Variants in CYP21A2 observed in about 807,000 individuals in gnomAD.
CYP21A2 encodes the protein cytochrome P450 family 21 subfamily A member 2, also known as steroid 21-hydroxylase.
Under a neutral mutation model 47.4 loss-of-function variants are expected in CYP21A2, and 24 were observed. The observed-to-expected ratio is 0.51, with a 90% confidence interval of 0.37 to 0.71. The LOEUF (loss-of-function observed/expected upper bound fraction) is 0.71. Among genes scored for constraint, CYP21A2 ranks in the 30% least tolerant of loss-of-function variants. The pLI is 0.00. For missense variants in CYP21A2, 358 were observed against 643.2 expected, an observed-to-expected ratio of 0.56 and a Z score of 4.80; for synonymous variants, 130 against 273.9, an observed-to-expected ratio of 0.47 and a Z score of 5.19.
rs1027588145 is a variant in CYP21A2, at chr6:32,040,582, C to T, written c.1116C>T (p.Ser372=). ...LALPHRTTRP[S]SISGYDIPEG... ...TGCCCCACCGCACCACACGGCCCAG[C>T]AGGTGACTCCCGAGGGTTGGGGATG... Residue 372 remains serine, a splice_region_variant and synonymous_variant, in exon 8 of 10, where the codon AGC becomes AGT. Coordinates refer to ENST00000644719, the MANE Select transcript of CYP21A2 (RefSeq NM_000500.9). 6.2e-7 allele frequency: 1 copy of T among 1,613,112 alleles called. No individual in the cohort carries two copies. The highest frequency in any genetic ancestry group is 8.5e-7 in the Non-Finnish European group (1 of 1,179,754).
At chr6:32,039,305 C>G (rs756881244) in intron 3 of CYP21A2, 51 bp from the exon 4 acceptor site, 1 of 1,578,034 alleles carries the variant, frequency 6.3e-7, no homozygotes, top group South Asian at 1.1e-5. Context: ...CAGTAGCCCC[C>G]GCCCTGCCCG....
At chr6:32,039,303 C>T (rs1776079632) in intron 3 of CYP21A2, 53 bp from the exon 4 acceptor site, 2 of 1,576,474 alleles carry the variant, frequency 1.3e-6, no homozygotes, top group African/African-American at 1.4e-5. Context: ...CACAGTAGCC[C>T]CCGCCCTGCC....
rs376930719 is a variant in CYP21A2, at chr6:32,039,620, A to G, written c.624A>G (p.Gln208=). Reference sequence around the variant, plus strand: ...AAACCTGGAGCCACTGGTCCATCCAAATTGTGGACGTGATTCCCTTTCTCA... The same window carrying G: ...AAACCTGGAGCCACTGGTCCATCCAGATTGTGGACGTGATTCCCTTTCTCA... The part of the protein sequence containing the change: ...VLKTWSHWSI[Q]IVDVIPFLRF... The change falls in exon 5 of 10, where the codon CAA becomes CAG. Residue 208 remains glutamine, a synonymous_variant. Transcript: ENST00000644719. The G allele has an allele frequency of 1.3e-4, 204 of 1,563,518 alleles. No homozygotes were observed. The highest frequency in any genetic ancestry group is 1.3e-4 in the Non-Finnish European group (152 of 1,152,592).
Position 32,038,820 on chromosome 6 carries a change from C to T in CYP21A2, c.292+9C>T, listed in dbSNP as rs6462. 975,790 of 1,378,688 alleles carry T rather than the reference C, an allele frequency of 0.71. 343,822 individuals are homozygous for T. The highest frequency in any genetic ancestry group is 0.81 in the Admixed American group (44,230 of 54,354). The allele number at this position is 1,378,688 out of a possible 1,614,324, so 85.4% of individuals were successfully genotyped here. ...ACCTGAGCCACTTACCTGTAAGGGC[C>T]GGGGGCATTTTTTCTTTCTTAAAAA... On this transcript the variant is annotated intron_variant, in intron 2 of 9. Coordinates refer to ENST00000644719, the MANE Select transcript of CYP21A2 (RefSeq NM_000500.9).
chr6:32,039,133 G>T lies in CYP21A2; in HGVS notation c.332G>T (p.Gly111Val). ...VSRNYPDLSL[G>V]DYSLLWKAHK... is the part of the protein sequence containing the mutation. The stretch of plus-strand genomic sequence containing the variant: ...AGGAACTACCCGGACCTGTCCTTGG[G>T]AGACTACTCCCTGCTCTGGAAAGCC... Residue 111 changes from glycine to valine, a missense_variant, in exon 3 of 10, where the codon GGA becomes GTA. By Grantham distance (109) the Gly-to-Val change is moderately radical. Transcript: ENST00000644719. 2 of 1,611,444 alleles carry T rather than the reference G, an allele frequency of 1.2e-6. No individual in the cohort carries two copies. Among genetic ancestry groups the T allele is most frequent in the Non-Finnish European group, 1.7e-6 (2 of 1,178,850 alleles).
In CYP21A2 at chr6:32,041,319, T is replaced by C. The variant is rs1245537101; in HGVS notation, c.*185T>C. On this transcript the variant is annotated 3_prime_UTR_variant, in exon 10 of 10. Transcript: ENST00000644719. ...GCGACCCCTCAGTGCTCGGCAGTCA[T>C]ACTGGGGTGCGAGAGAGGTGGGCAG... The C allele has an allele frequency of 2.5e-6, 2 of 792,126 alleles. No homozygotes were observed. Among genetic ancestry groups the C allele is most frequent in the Non-Finnish European group, 4.4e-6 (2 of 457,592 alleles). 49.1% of individuals were successfully genotyped at this position (792,126 alleles called of 1,614,324 possible).
chr6:32,038,606 C>T lies in CYP21A2; in HGVS notation c.184C>T (p.Leu62Phe). The T allele has an allele frequency of 1.3e-6, 2 of 1,588,474 alleles. No homozygotes were observed. Among genetic ancestry groups the T allele is most frequent in the South Asian group, 2.3e-5 (2 of 88,378 alleles). Reference protein sequence around the residue: ...LTQKFGPIYRLHLGLQDVVVL... With the variant: ...LTQKFGPIYRFHLGLQDVVVL... ...TCAGAAATTCGGGCCCATCTACAGG[C>T]TCCACCTTGGGCTGCAAGGTGAGAG... The change falls in exon 1 of 10, where the codon CTC becomes TTC. Residue 62 changes from leucine (L) to phenylalanine (F), a missense_variant. Coordinates refer to ENST00000644719, the MANE Select transcript of CYP21A2 (RefSeq NM_000500.9).
In CYP21A2 at chr6:32,041,167, G is replaced by A. The variant is rs575440780; in HGVS notation, c.*33G>A. The A allele has an allele frequency of 4.2e-5, 65 of 1,548,122 alleles. No individual in the cohort carries two copies. In the East Asian group the frequency reaches 5.2e-4, roughly 12 times the overall value. On this transcript the variant is annotated 3_prime_UTR_variant, in exon 10 of 10. Coordinates refer to ENST00000644719, the MANE Select transcript of CYP21A2 (RefSeq NM_000500.9). ...GGACCGATGCCAGCCGGGTACCTCAGTTTCTCCTTTATTGCTCCCGTACGA... is the reference window on the plus strand; with the variant it reads ...GGACCGATGCCAGCCGGGTACCTCAATTTCTCCTTTATTGCTCCCGTACGA...
chr6:32,041,515 T>G lies in CYP21A2; in HGVS notation c.*381T>G. On this transcript the variant is annotated 3_prime_UTR_variant, in exon 10 of 10. Coordinates refer to ENST00000644719, the MANE Select transcript of CYP21A2 (RefSeq NM_000500.9). ...TCCCATCTGCTCTTCCCGTTCCCCT[T>G]AAGGAGGTAGCTCCCAGCACTCAAC... 8.3e-7 allele frequency: 1 copy of G among 1,208,792 alleles called. No individual in the cohort carries two copies. The highest frequency in any genetic ancestry group is 1.3e-5 in the South Asian group (1 of 76,330). The allele number at this position is 1,208,792 out of a possible 1,614,324, so 74.9% of individuals were successfully genotyped here. A position where few individuals can be genotyped will look rare whatever the true frequency, so the allele number is the denominator to read the frequency against.
rs1027284604 is a variant in CYP21A2, at chr6:32,040,196, C to T, written c.930C>T (p.His310=). Residue 310 remains histidine (H), a synonymous_variant, in exon 7 of 10, where the codon CAC becomes CAT. Transcript: ENST00000644719. ...TLSWAVVFLL[H]HPEIQQRLQE... ...CCTGGGCCGTGGTTTTTTTGCTTCA[C>T]CACCCTGAGGTGCGTCCTGGGGACA... 1.9e-6 allele frequency: 3 copies of T among 1,612,860 alleles called. No homozygotes were observed. Among genetic ancestry groups the T allele is most frequent in the Non-Finnish European group, 2.5e-6 (3 of 1,179,870 alleles).
In CYP21A2 at chr6:32,041,031, T is replaced by C. The variant is rs1190793485; in HGVS notation, c.1385T>C (p.Leu462Pro). The C allele has an allele frequency of 1.5e-5, 18 of 1,212,312 alleles. No individual in the cohort carries two copies. In the African/African-American group the frequency reaches 2.3e-4, roughly 15 times the overall value. The allele number at this position is 1,212,312 out of a possible 1,614,324, so 75.1% of individuals were successfully genotyped here. A position where few individuals can be genotyped will look rare whatever the true frequency, so the allele number is the denominator to read the frequency against. Residue 462 changes from leucine to proline, a missense_variant, in exon 10 of 10, where the codon CTG (leucine) becomes CCG (proline). Leu to Pro is a moderately conservative substitution (Grantham distance 98, BLOSUM62 -3). Coordinates refer to ENST00000644719, the MANE Select transcript of CYP21A2 (RefSeq NM_000500.9). ...LLPSGDALPS[L>P]QPLPHCSVIL... ...CCCTCCGGGGACGCCCTGCCCTCCC[T>C]GCAGCCCCTGCCCCACTGCAGTGTC...
In CYP21A2 at chr6:32,038,706, T is replaced by C. The variant is rs1582300574; in HGVS notation, c.203-16T>C. ...AGGGTCCTCTCTCCGCTGACGCTGCTTTGGCTGTCTCCCAGATGTGGTGGT... is the reference window on the plus strand; with the variant it reads ...AGGGTCCTCTCTCCGCTGACGCTGCCTTGGCTGTCTCCCAGATGTGGTGGT... On this transcript the variant is annotated splice_polypyrimidine_tract_variant and intron_variant, in intron 1 of 9. Coordinates refer to ENST00000644719, the MANE Select transcript of CYP21A2 (RefSeq NM_000500.9). 1 of 1,473,820 alleles carries C rather than the reference T, an allele frequency of 6.8e-7. No homozygotes were observed. The allele number at this position is 1,473,820 out of a possible 1,614,324, so 91.3% of individuals were successfully genotyped here.
intron 2 of CYP21A2, 119 bp from the exon 3 acceptor site, chr6:32,038,975 G>A: frequency 6.5e-7 from 1 of 1,531,582 alleles, no homozygotes; most frequent in Non-Finnish European, 8.8e-7. Context: ...CAGGTCCCTG[G>A]AAGCTCTTGG....
chr6:32,039,622 T>G lies in CYP21A2; in HGVS notation c.626T>G (p.Ile209Ser). The change falls in exon 5 of 10, where the codon ATT becomes AGT. Residue 209 changes from isoleucine to serine, a missense_variant. By Grantham distance (142) the Ile-to-Ser change is moderately radical (BLOSUM62 -2). Coordinates refer to ENST00000644719, the MANE Select transcript of CYP21A2 (RefSeq NM_000500.9). ...ACCTGGAGCCACTGGTCCATCCAAA[T>G]TGTGGACGTGATTCCCTTTCTCAGG... ...LKTWSHWSIQ[I>S]VDVIPFLRFF... 6.4e-7 allele frequency: 1 copy of G among 1,563,296 alleles called. No individual in the cohort carries two copies.
rs536088585 is a variant in CYP21A2 at position 32,040,200 on chromosome 6, C to T, written c.934C>T (p.Pro312Ser). 3 of 1,612,884 alleles carry T rather than the reference C, an allele frequency of 1.9e-6. No homozygotes were observed. The highest frequency in any genetic ancestry group is 2.2e-5 in the South Asian group (2 of 91,078). ...GGCCGTGGTTTTTTTGCTTCACCACCCTGAGGTGCGTCCTGGGGACAAGCA... is the reference window on the plus strand; with the variant it reads ...GGCCGTGGTTTTTTTGCTTCACCACTCTGAGGTGCGTCCTGGGGACAAGCA... ...SWAVVFLLHH[P>S]EIQQRLQEEL... The change falls in exon 7 of 10, where the codon CCT (proline) becomes TCT (serine). Residue 312 changes from proline (P) to serine (S), a missense_variant. Pro to Ser is a moderately conservative substitution (Grantham distance 74). Coordinates refer to ENST00000644719, the MANE Select transcript of CYP21A2 (RefSeq NM_000500.9).
chr6:32,041,206 C>G lies in CYP21A2; in HGVS notation c.*72C>G, dbSNP rs1239331635. 8 of 934,494 alleles carry G rather than the reference C, an allele frequency of 8.6e-6. No individual in the cohort carries two copies. Among genetic ancestry groups the G allele is most frequent in the African/African-American group, 1.6e-5 (1 of 64,398 alleles). 57.9% of individuals were successfully genotyped at this position (934,494 alleles called of 1,614,324 possible). A position where few individuals can be genotyped will look rare whatever the true frequency, so the allele number is the denominator to read the frequency against. On this transcript the variant is annotated 3_prime_UTR_variant, in exon 10 of 10. Transcript: ENST00000644719. ...GCTCCCGTACGAACCCCTCCCCTCC[C>G]CCCTGTAAACACAGTGCTGCGAGAT...
rs1449425740 is a variant in CYP21A2 at position 32,038,561 on chromosome 6, A to C, written c.139A>C (p.Ile47Leu). 1 of 1,599,812 alleles carries C rather than the reference A, an allele frequency of 6.3e-7. No individual in the cohort carries two copies. The highest frequency in any genetic ancestry group is 1.3e-5 in the African/African-American group (1 of 74,330). The change falls in exon 1 of 10, where the codon ATC becomes CTC. Residue 47 changes from isoleucine (I) to leucine (L), a missense_variant. Ile to Leu is a conservative substitution (Grantham distance 5, BLOSUM62 2). Coordinates refer to ENST00000644719, the MANE Select transcript of CYP21A2 (RefSeq NM_000500.9). ...GCACCTGCTGCAGCCCGACCTCCCC[A>C]TCTATCTGCTTGGCCTGACTCAGAA... ...FLHLLQPDLP[I>L]YLLGLTQKFG... is the part of the protein sequence containing the mutation.
rs369117783 is a variant in CYP21A2 at position 32,039,854 on chromosome 6, C to T, written c.738+19C>T. On this transcript the variant is annotated intron_variant, in intron 6 of 9. Coordinates refer to ENST00000644719, the MANE Select transcript of CYP21A2 (RefSeq NM_000500.9). ...GCACAAGGTGGGGACTGTACGTGGA[C>T]GGCCTCCCCTCGGCCCACAGCCAGT... 19 of 1,611,544 alleles carry T rather than the reference C, an allele frequency of 1.2e-5. No individual in the cohort carries two copies. Among genetic ancestry groups the T allele is most frequent in the Admixed American group, 6.7e-5 (4 of 59,698 alleles).
At position 32,040,852 on chromosome 6, in the gene CYP21A2, T is replaced by C. The variant is rs1206954542; in HGVS notation, c.1223-17T>C. 1 of 1,478,604 alleles carries C rather than the reference T, an allele frequency of 6.8e-7. No homozygotes were observed. The highest frequency in any genetic ancestry group is 1.4e-5 in the African/African-American group (1 of 72,510). 91.6% of individuals were successfully genotyped at this position (1,478,604 alleles called of 1,614,324 possible). On this transcript the variant is annotated splice_polypyrimidine_tract_variant and intron_variant, in intron 9 of 9. Coordinates refer to ENST00000644719, the MANE Select transcript of CYP21A2 (RefSeq NM_000500.9). ...GCCGCTGAACGCCTCCCCACCCACC[T>C]GTCCACCCGCCCGCAGATCGCTTCC...
Sources: gnomAD v4.1 joint callset for allele counts on GRCh38, gnomAD v4.1.1 for gene constraint, MANE v1.5 for transcripts, NCBI Gene and HGNC (gene_info 2026-07-23, HGNC 2026-07-21) for gene names.